The following SCMH1 variants were observed in gnomAD, a reference collection of about 807,000 sequenced individuals.
SCMH1 encodes the protein Scm polycomb group protein homolog 1.
A neutral mutation model predicts 70.8 loss-of-function variants in SCMH1; 37 were observed. That is an observed-to-expected ratio of 0.52 (90% confidence interval 0.40 to 0.69). The LOEUF is 0.69. Ranked by LOEUF, SCMH1 falls within the 30% of genes least tolerant of loss-of-function variation. SCMH1 has a pLI of 0.00. For missense variants in SCMH1, 607 were observed against 827.3 expected (o/e 0.73, Z 3.27); for synonymous variants, 292 against 307.4 (o/e 0.95, Z 0.52).
chr1:41,183,875 GT>G (rs1649475415), intron 2 of SCMH1, among the ~76,000 whole-genome samples: 1 of 152,058 alleles, frequency 6.6e-6, no homozygotes, highest in Non-Finnish European at 1.5e-5. Flanking sequence ...TTTATATTTA[GT>G]TTTAGAATGT....
chr1:41,084,180 T>C lies in SCMH1; in HGVS notation c.746-8729A>G, dbSNP rs530042416. Among the ~76,000 whole-genome samples, 66 of 152,116 alleles carry C rather than the reference T, an allele frequency of 4.3e-4. 2 individuals are homozygous for C. Among genetic ancestry groups the C allele is most frequent in the South Asian group, 1.2e-3 (6 of 4,816 alleles). On this transcript the variant is annotated intron_variant, in intron 8 of 14. Coordinates refer to ENST00000337495, the Ensembl canonical transcript of SCMH1. ...ACAGCAAAAGAGACTACCATCAGAG[T>C]GAACAGGCAACCTACAAAATGGGAG...
chr1:41,220,414 C>T (rs536412927), intron 1 of SCMH1, among the ~76,000 whole-genome samples: 3 of 152,326 alleles, frequency 2.0e-5, no homozygotes, highest in Admixed American at 6.5e-5. Context: ...GACTGAAATA[C>T]ATTTTACAGC....
At chr1:41,043,261 T>G (rs1051897465) in intron 12 of SCMH1, 1 of 151,642 alleles carries the variant, frequency 6.6e-6, no homozygotes, top group African/African-American at 2.4e-5. Context: ...GCCCAGCTAA[T>G]TTTTGTATTT....
chr1:41,233,636 T>C (rs1409342830), intron 1 of SCMH1, among the ~76,000 whole-genome samples: 1 of 152,204 alleles, frequency 6.6e-6, no homozygotes, highest in Non-Finnish European at 1.5e-5. Context: ...ATCTCTATCA[T>C]CCCGGTATTC....
intron 4 of SCMH1, among the ~76,000 whole-genome samples, chr1:41,155,567 C>A (rs996063049): frequency 6.6e-6 from 1 of 151,698 alleles, no homozygotes; most frequent in African/African-American, 2.4e-5. Flanking sequence ...AACAGAGACA[C>A]CAGATTAATT....
At chr1:41,131,729 G>T (rs1674776394) in intron 6 of SCMH1, among the ~76,000 whole-genome samples, 1 of 152,068 alleles carries the variant, frequency 6.6e-6, no homozygotes, top group Non-Finnish European at 1.5e-5. Context: ...GCAGGCCCTG[G>T]TGTGTGATGT....
intron 4 of SCMH1, among the ~76,000 whole-genome samples, chr1:41,152,417 C>A (rs1378557395): frequency 6.6e-6 from 1 of 152,172 alleles, no homozygotes; most frequent in African/African-American, 2.4e-5. Flanking sequence ...ACTGGCCTTA[C>A]AGCCTCTAAA....
chr1:41,196,188 G>A lies in SCMH1; in HGVS notation c.-117-9938C>T, dbSNP rs537466745. Among the ~76,000 whole-genome samples the A allele has an allele frequency of 3.3e-5, 5 of 151,604 alleles. No individual in the cohort carries two copies. The East Asian group carries it at 9.7e-4, about 29-fold the overall frequency. ...ACGCAATCCCTATCAAAATCCAAAC[G>A]GCATTTTTGCACAAATAGAAAAAGT... On this transcript the variant is annotated intron_variant, in intron 1 of 14. Transcript: ENST00000337495.
chr1:41,131,649 A>C (rs1401684738), intron 6 of SCMH1, among the ~76,000 whole-genome samples: 1 of 152,148 alleles, frequency 6.6e-6, no homozygotes, highest in Non-Finnish European at 1.5e-5. Context: ...GGTTTGCTGC[A>C]CCCATCAACT....
chr1:41,172,225 A>C (rs542122477), intron 2 of SCMH1, among the ~76,000 whole-genome samples: 10 of 151,988 alleles, frequency 6.6e-5, no homozygotes, highest in African/African-American at 2.4e-4. Flanking sequence ...AATTCTTAGA[A>C]CTGATAAACA....
chr1:41,113,192 G>C lies in SCMH1; in HGVS notation c.745+91C>G. ...TGCTCCTCCCCTGCATACTAGTGAAGTATACTGGTGAAGATATGATCATGA... is the reference window on the plus strand; with the variant it reads ...TGCTCCTCCCCTGCATACTAGTGAACTATACTGGTGAAGATATGATCATGA... On this transcript the variant is annotated intron_variant, in intron 8 of 14. Transcript: ENST00000337495. This position sits in a 1 kb window ranked among gnomAD's most constrained non-coding sequence, Gnocchi z 4.3. The C allele has an allele frequency of 3.4e-6, 5 of 1,488,136 alleles. No individual in the cohort carries two copies. In the South Asian group the frequency reaches 4.0e-5, roughly 12 times the overall value. 92.2% of individuals were successfully genotyped at this position (1,488,136 alleles called of 1,614,324 possible). A position where few individuals can be genotyped will look rare whatever the true frequency, so the allele number is the denominator to read the frequency against.
At chr1:41,220,317 G>A (rs1658991934) in intron 1 of SCMH1, among the ~76,000 whole-genome samples, 1 of 152,200 alleles carries the variant, frequency 6.6e-6, no homozygotes, top group South Asian at 2.1e-4. Context: ...ATGTACATGT[G>A]TTTAGAGGAA....
In SCMH1 at chr1:41,242,082, G is replaced by T. The variant is rs1434378869; in HGVS notation, c.-141C>A. The T allele has an allele frequency of 6.6e-6, 1 of 151,552 alleles. No individual in the cohort carries two copies. Among genetic ancestry groups the T allele is most frequent in the Non-Finnish European group, 1.5e-5 (1 of 67,642 alleles). 9.4% of individuals were successfully genotyped at this position (151,552 alleles called of 1,614,324 possible). On this transcript the variant is annotated 5_prime_UTR_variant, in exon 1 of 15. Coordinates refer to ENST00000337495, the Ensembl canonical transcript of SCMH1. The surrounding 1 kb of genome is among the most constrained non-coding windows in gnomAD (Gnocchi z 5.2). ...ACCTGAGGGCGCGGCGGGGGCGCGG[G>T]GCGGCTCACTCTCTTCCCGCCGCCA...
At chr1:41,075,574 C>T in intron 8 of SCMH1, 123 bp from the exon 9 acceptor site, 1 of 714,810 alleles carries the variant, frequency 1.4e-6, no homozygotes, top group Non-Finnish European at 2.3e-6. Context: ...GGTTTCCTGG[C>T]ATTTGACCTA....
intron 2 of SCMH1, among the ~76,000 whole-genome samples, chr1:41,182,677 C>T (rs1649135779): frequency 1.3e-5 from 2 of 152,050 alleles, no homozygotes; most frequent in East Asian, 1.9e-4. Context: ...CGTCATTGCA[C>T]TCCAGCCTGG....
chr1:41,086,337 A>C (rs1322497427), intron 8 of SCMH1, among the ~76,000 whole-genome samples: 2 of 152,200 alleles, frequency 1.3e-5, no homozygotes, highest in Non-Finnish European at 2.9e-5. Context: ...ATAATGTAAC[A>C]GAGGCAGAAA....
exon 10 of SCMH1, chr1:41,070,661 G>A (rs777887769): frequency 6.2e-7 from 1 of 1,614,102 alleles, no homozygotes; most frequent in Non-Finnish European, 8.5e-7. Context: ...CTGGTATCCG[G>A]TTCAGGAGTG....
At position 41,055,623 on chromosome 1, in the gene SCMH1, C is replaced by T. The variant is rs59992021; in HGVS notation, c.1106-6733G>A. Among the ~76,000 whole-genome samples, 1,019 of 152,358 alleles carry T rather than the reference C, an allele frequency of 6.7e-3. 15 individuals carry two copies. Among genetic ancestry groups the T allele is most frequent in the African/African-American group, 0.024 (980 of 41,580 alleles). ...CTGCGATTACAGGCGTGAGCCACCG[C>T]GCCCGGCCTCAGAATTTCTATAGAC... On this transcript the variant is annotated intron_variant, in intron 10 of 14. Transcript: ENST00000337495.
intron 1 of SCMH1, among the ~76,000 whole-genome samples, chr1:41,192,791 T>C (rs558140991): frequency 3.7e-4 from 56 of 152,192 alleles, no homozygotes; most frequent in Non-Finnish European, 6.8e-4. Context: ...TACCTACTAC[T>C]ATGGCTTGTT....
Sources: allele counts gnomAD v4.1 joint callset (sites outside exome capture counted in the v4.1 genomes callset), GRCh38; gene constraint gnomAD v4.1.1; non-coding constraint Gnocchi (gnomAD v3.1); transcripts MANE v1.5; gene names NCBI Gene and HGNC (gene_info 2026-07-23, HGNC 2026-07-21).